The following TRPV1 variants were observed in gnomAD, a reference collection of about 807,000 sequenced individuals.
TRPV1 encodes the protein OTRPC1.
Under a neutral mutation model 82.3 loss-of-function variants are expected in TRPV1, and 82 were observed. The observed-to-expected ratio is 1.00, with a 90% CI of 0.83 to 1.20. TRPV1 has a LOEUF of 1.20. Among genes scored for constraint, TRPV1 ranks in the 50% most tolerant of loss-of-function variants. The pLI is 0.00. For synonymous variants in TRPV1, 515 were observed against 467.7 expected (o/e 1.10, Z -1.30); for missense variants, 1,067 against 1,096.8 (o/e 0.97, Z 0.38).
chr17:3,571,535 C>T lies in TRPV1; in HGVS notation c.2336G>A (p.Arg779Gln), dbSNP rs1378697592. The change falls in exon 16 of 17, where the codon CGG becomes CAG. Residue 779 changes from arginine to glutamine, a missense_variant. Arg to Gln is a conservative substitution (Grantham distance 43, BLOSUM62 1). Transcript: ENST00000572705. ...CCCTCACGCCTCACCTCTGCTTGAC[C>T]GCAGGGAGAAGCTCAGGGTGCGCTT... ...GVKRTLSFSLRSSRVSGRHWK... is the reference protein window; with the variant it reads ...GVKRTLSFSLQSSRVSGRHWK... 7 of 1,603,908 alleles carry T rather than the reference C, an allele frequency of 4.4e-6. No homozygotes were observed. Among genetic ancestry groups the T allele is most frequent in the East Asian group, 2.2e-5 (1 of 44,458 alleles).
chr17:3,577,085 C>G (rs1012722023), intron 13 of TRPV1, 41 bp downstream of exon 13: 10 of 1,555,722 alleles, frequency 6.4e-6, no homozygotes, highest in African/African-American at 1.4e-5. Context: ...CTCAGCCAAG[C>G]AGGACCCCTG....
At position 3,577,335 on chromosome 17, in the gene TRPV1, GGGA is replaced by G; in HGVS notation, c.1714-146_1714-144del. ...CTGGTTCTCAGCTCAGGGGTCATGA[GGGA>G]GTCACCCACCCTTCCCCCATAGCCT... On this transcript the variant is annotated intron_variant, in intron 12 of 16. Transcript: ENST00000572705. 6 of 946,442 alleles carry G rather than the reference GGGA, an allele frequency of 6.3e-6. No homozygotes were observed. The South Asian group carries it at 9.7e-5, about 15-fold the overall frequency. 58.6% of individuals were successfully genotyped at this position (946,442 alleles called of 1,614,324 possible).
chr17:3,595,362 C>T (rs142925225), intron 2 of TRPV1, among the ~76,000 whole-genome samples: 178 of 152,230 alleles, frequency 1.2e-3, no homozygotes, highest in African/African-American at 4.2e-3. Context: ...CAGAGCATCT[C>T]CAGTGCTCCA....
At chr17:3,588,529 CG>C (rs1307442655) in intron 7 of TRPV1, among the ~76,000 whole-genome samples, 162 bp from the exon 8 acceptor site, 29 of 152,232 alleles carry the variant, frequency 1.9e-4, no homozygotes, top group African/African-American at 6.5e-4. Context: ...ACCAGCCGGC[CG>C]GGCACGGGTG....
rs1057431585 is a variant in TRPV1, at chr17:3,576,562, G to A, written c.1780+564C>T. On this transcript the variant is annotated intron_variant, in intron 13 of 16. Coordinates refer to ENST00000572705, the MANE Select transcript of TRPV1 (RefSeq NM_080704.4). ...AGGTACTCGGGAGGCTGAGGCAGGA[G>A]AATGGCGTGAACCCGGGAGGCGGAG... Among the ~76,000 whole-genome samples the A allele has an allele frequency of 2.7e-4, 41 of 150,226 alleles. 1 individual carries two copies. Among genetic ancestry groups the A allele is most frequent in the African/African-American group, 9.0e-4 (37 of 40,934 alleles).
intron 10 of TRPV1, among the ~76,000 whole-genome samples, chr17:3,582,079 A>G (rs529799343): frequency 2.1e-5 from 3 of 146,314 alleles, no homozygotes; most frequent in Non-Finnish European, 4.5e-5. Context: ...AGTCCCAGCT[A>G]CTCGGGAGGC....
At position 3,592,583 on chromosome 17, in the gene TRPV1, GC is replaced by G. The variant is rs1370401835; in HGVS notation, c.-33-201del. 1.7e-5 allele frequency: 10 copies of G among 601,230 alleles called. No homozygotes were observed. The Admixed American group carries it at 2.8e-4, about 17-fold the overall frequency. 37.2% of individuals were successfully genotyped at this position (601,230 alleles called of 1,614,324 possible). Reference sequence around the variant, plus strand: ...GAGGCCTCAGAGGTGAGCAGGCCTAGCAGGGCCCAGGCAGTCCTGCGGCCAC... The same window carrying G: ...GAGGCCTCAGAGGTGAGCAGGCCTAGAGGGCCCAGGCAGTCCTGCGGCCAC... On this transcript the variant is annotated intron_variant, in intron 2 of 16. Coordinates refer to ENST00000572705, the MANE Select transcript of TRPV1 (RefSeq NM_080704.4).
intron 2 of TRPV1, among the ~76,000 whole-genome samples, chr17:3,594,439 A>G (rs1175978007): frequency 6.6e-6 from 1 of 152,016 alleles, no homozygotes; most frequent in African/African-American, 2.4e-5. Context: ...ACTCCAGAGC[A>G]CACAACTGGG....
chr17:3,575,406 C>G (rs1044889752), intron 13 of TRPV1, among the ~76,000 whole-genome samples: 1 of 151,978 alleles, frequency 6.6e-6, no homozygotes, highest in African/African-American at 2.4e-5. Context: ...TTGCTTGAAC[C>G]TGGGAGGCCG....
chr17:3,598,546 T>C (rs2075238421), intron 2 of TRPV1, among the ~76,000 whole-genome samples: 2 of 148,322 alleles, frequency 1.3e-5, no homozygotes, highest in African/African-American at 2.5e-5. Context: ...CACCCCACCA[T>C]ACCCCTCGCT....
At chr17:3,571,724 A>G (rs224547) in intron 15 of TRPV1, 85 bp from the exon 16 acceptor site, 463,812 of 1,092,720 alleles carry the variant, frequency 0.42, 103,504 homozygotes, top group Non-Finnish European at 0.46. Flanking sequence ...AGCCCAAGAA[A>G]CCCACCCATC....
chr17:3,592,253 G>A lies in TRPV1; in HGVS notation c.98C>T (p.Pro33Leu). Residue 33 changes from proline to leucine, a missense_variant, in exon 3 of 17, where the codon CCA becomes CTA. By Grantham distance (98) the Pro-to-Leu change is moderately conservative. Coordinates refer to ENST00000572705, the MANE Select transcript of TRPV1 (RefSeq NM_080704.4). ...DPLDGDPNSR[P>L]PPAKPQLSTA... ...GGAGAGCTGGGGCTTGGCTGGAGGT[G>A]GCCTGGAGTTAGGGTCTCCATCCAG... The A allele has an allele frequency of 6.2e-7, 1 of 1,609,370 alleles. No homozygotes were observed. Among genetic ancestry groups the A allele is most frequent in the Non-Finnish European group, 8.5e-7 (1 of 1,177,916 alleles).
intron 2 of TRPV1, among the ~76,000 whole-genome samples, chr17:3,603,198 G>A (rs111234252): frequency 1.2e-4 from 18 of 152,126 alleles, no homozygotes; most frequent in African/African-American, 2.9e-4. Flanking sequence ...TCCTGTCACC[G>A]GGTGCCCAAG....
intron 15 of TRPV1, 139 bp from the exon 16 acceptor site, chr17:3,571,778 T>A (rs1334884155): frequency 4.5e-6 from 3 of 667,696 alleles, no homozygotes; most frequent in Non-Finnish European, 7.8e-6. Context: ...GAGGACTTGA[T>A]TTTTGGACAC....
intron 2 of TRPV1, among the ~76,000 whole-genome samples, chr17:3,600,703 A>C (rs2150858273): frequency 6.6e-6 from 1 of 152,306 alleles, no homozygotes. Context: ...TAACAGTATC[A>C]CCGGAGTCTA....
intron 2 of TRPV1, among the ~76,000 whole-genome samples, chr17:3,596,158 C>T (rs1050319907): frequency 1.3e-5 from 2 of 152,216 alleles, no homozygotes; most frequent in Non-Finnish European, 2.9e-5. Context: ...CCCACAGAGA[C>T]GTGGTATGAT....
intron 3 of TRPV1, 27 bp from the exon 4 acceptor site, chr17:3,591,380 C>CA: frequency 6.5e-7 from 1 of 1,543,166 alleles, no homozygotes; most frequent in Middle Eastern, 1.8e-4. Context: ...ACGCTCGTCT[C>CA]ATACCCTGGC....
At chr17:3,576,361 T>C (rs1351223284) in intron 13 of TRPV1, among the ~76,000 whole-genome samples, 1 of 148,918 alleles carries the variant, frequency 6.7e-6, no homozygotes, top group African/African-American at 2.5e-5. Flanking sequence ...CTATTAAAAA[T>C]ATAACAACTA....
intron 2 of TRPV1, among the ~76,000 whole-genome samples, chr17:3,604,993 C>A (rs1267561256): frequency 6.6e-6 from 1 of 152,158 alleles, no homozygotes; most frequent in Admixed American, 6.6e-5. Context: ...AACATCCTTC[C>A]ATTCACACTA....
Sources: gnomAD v4.1 joint callset for allele counts (sites outside exome capture counted in the v4.1 genomes callset) on GRCh38, gnomAD v4.1.1 for gene constraint, MANE v1.5 for transcripts, NCBI Gene and HGNC (gene_info 2026-07-23, HGNC 2026-07-21) for gene names.